CDH8: variants seen among roughly 807,000 people sequenced by gnomAD.
The protein encoded by CDH8 is cadherin 8.
CDH8 carries 17 observed loss-of-function variants against 68.1 expected under a neutral mutation model. That is an observed-to-expected ratio of 0.25 (90% CI 0.17 to 0.37). The LOEUF (loss-of-function observed/expected upper bound fraction) is 0.37, where lower values mean the gene tolerates loss of function less well. Among genes scored for constraint, CDH8 ranks in the 10% least tolerant of loss-of-function variants. The pLI is 1.00. For synonymous variants in CDH8, 372 were observed against 365.1 expected (o/e 1.02, Z -0.21); for missense variants, 763 against 999.3 (o/e 0.76, Z 3.19).
At chr16:61,922,840 A>G (rs1964392923) in intron 2 of CDH8, among the ~76,000 whole-genome samples, 1 of 152,224 alleles carries the variant, frequency 6.6e-6, no homozygotes, top group Admixed American at 6.5e-5. Flanking sequence ...ATACAAATTT[A>G]TGCAATTTTG....
chr16:61,654,508 A>G (rs1483482965), intron 11 of CDH8, among the ~76,000 whole-genome samples: 2 of 152,110 alleles, frequency 1.3e-5, no homozygotes, highest in East Asian at 3.9e-4. Flanking sequence ...AAAAAAAAGG[A>G]GTAAACTAGG....
chr16:61,880,351 G>T (rs953835587), intron 3 of CDH8, among the ~76,000 whole-genome samples: 2 of 152,160 alleles, frequency 1.3e-5, no homozygotes, highest in South Asian at 2.1e-4. Flanking sequence ...CTTCACACTC[G>T]AAAGACAGAA....
chr16:61,985,091 CT>C (rs937331035), intron 2 of CDH8, among the ~76,000 whole-genome samples: 4 of 150,374 alleles, frequency 2.7e-5, no homozygotes, highest in Admixed American at 1.3e-4. Context: ...GCACCCATAA[CT>C]TTTTTTTCCT....
chr16:61,706,981 G>A (rs1295629387), intron 10 of CDH8, among the ~76,000 whole-genome samples: 2 of 152,070 alleles, frequency 1.3e-5, no homozygotes, highest in Admixed American at 1.3e-4. Flanking sequence ...TTACTGTAAT[G>A]ATGCTTATGT....
intron 2 of CDH8, among the ~76,000 whole-genome samples, chr16:62,002,787 C>T (rs888884360): frequency 4.6e-5 from 7 of 152,314 alleles, no homozygotes; most frequent in South Asian, 4.1e-4. Context: ...GGTGCGGTGG[C>T]TCACGCCTGT....
intron 2 of CDH8, among the ~76,000 whole-genome samples, chr16:61,915,156 T>C (rs1291054864): frequency 6.6e-6 from 1 of 152,198 alleles, no homozygotes; most frequent in Non-Finnish European, 1.5e-5. Context: ...CGATGTTTTC[T>C]AGCTCAAATA....
chr16:61,782,645 C>A (rs902855716), intron 8 of CDH8, among the ~76,000 whole-genome samples: 10 of 151,906 alleles, frequency 6.6e-5, no homozygotes, highest in Non-Finnish European at 1.2e-4. Flanking sequence ...AGGGCACAGA[C>A]AAACAAAAAG....
At chr16:61,780,278 C>G (rs1400032846) in intron 8 of CDH8, among the ~76,000 whole-genome samples, 2 of 152,188 alleles carry the variant, frequency 1.3e-5, no homozygotes, top group Non-Finnish European at 1.5e-5. Flanking sequence ...AGCCTAATCT[C>G]TTGTTAGCAC....
chr16:62,004,798 G>T (rs1965946709), intron 2 of CDH8, among the ~76,000 whole-genome samples: 1 of 152,200 alleles, frequency 6.6e-6, no homozygotes, highest in South Asian at 2.1e-4. Context: ...CAGTCAATCA[G>T]TCTTAATGCT....
At chr16:61,683,501 T>C (rs1018406622) in intron 10 of CDH8, among the ~76,000 whole-genome samples, 2 of 152,146 alleles carry the variant, frequency 1.3e-5, no homozygotes, top group Admixed American at 6.6e-5. Flanking sequence ...TCTGTATCTT[T>C]GGCTTGCTCT....
At chr16:61,995,230 C>T (rs1965789103) in intron 2 of CDH8, among the ~76,000 whole-genome samples, 1 of 151,980 alleles carries the variant, frequency 6.6e-6, no homozygotes, top group South Asian at 2.1e-4. Flanking sequence ...CTGGACTGAC[C>T]CAAAGCTATA....
chr16:61,923,790 T>A lies in CDH8; in HGVS notation c.253-22317A>T, dbSNP rs576419789. Reference sequence around the variant, plus strand: ...TATATAAATATATGTGATGTATATATGTGATAAATATATAATATTTAAATA... The same window carrying A: ...TATATAAATATATGTGATGTATATAAGTGATAAATATATAATATTTAAATA... On this transcript the variant is annotated intron_variant, in intron 2 of 11. Coordinates refer to ENST00000577390, the MANE Select transcript of CDH8 (RefSeq NM_001796.5). Among the ~76,000 whole-genome samples the A allele has an allele frequency of 4.0e-3, 592 of 147,566 alleles. 4 individuals are homozygous for A. Among genetic ancestry groups the A allele is most frequent in the Middle Eastern group, 0.018 (5 of 280 alleles).
rs1057085081 is a variant in CDH8 at position 61,649,619 on chromosome 16, T to G, written c.*3989A>C. The G allele has an allele frequency of 6.6e-6, 1 of 151,984 alleles. No homozygotes were observed. The highest frequency in any genetic ancestry group is 2.4e-5 in the African/African-American group (1 of 41,404). The allele number at this position is 151,984 out of a possible 1,614,324, so 9.4% of individuals were successfully genotyped here. On this transcript the variant is annotated 3_prime_UTR_variant, in exon 12 of 12. Coordinates refer to ENST00000577390, the MANE Select transcript of CDH8 (RefSeq NM_001796.5). ...CCAGTGATGGGATTTTTTTGAAATC[T>G]TATTACTGGTTACACTGCCCTGATC...
intron 2 of CDH8, among the ~76,000 whole-genome samples, chr16:62,014,710 G>A (rs765387269): frequency 6.6e-6 from 1 of 152,146 alleles, no homozygotes; most frequent in Non-Finnish European, 1.5e-5. Context: ...AATTTAAAGA[G>A]AGAAAATGAG....
intron 2 of CDH8, among the ~76,000 whole-genome samples, chr16:61,978,386 C>T (rs1049364829): frequency 6.6e-6 from 1 of 152,142 alleles, no homozygotes; most frequent in Non-Finnish European, 1.5e-5. Flanking sequence ...GCCACCATTG[C>T]TGTTGCTGAT....
intron 10 of CDH8, among the ~76,000 whole-genome samples, chr16:61,672,629 T>C (rs1222640348): frequency 1.3e-5 from 2 of 152,086 alleles, no homozygotes; most frequent in African/African-American, 2.4e-5. Context: ...ATCTCAGCTT[T>C]GAAACAAAGC....
At chr16:62,022,852 A>G (rs1376646026) in intron 1 of CDH8, among the ~76,000 whole-genome samples, 3 of 152,208 alleles carry the variant, frequency 2.0e-5, no homozygotes, top group Non-Finnish European at 4.4e-5. Context: ...CAAGATGGCC[A>G]GTAGAATCAC....
chr16:61,834,251 G>A (rs1268627975), intron 4 of CDH8, among the ~76,000 whole-genome samples: 1 of 151,816 alleles, frequency 6.6e-6, no homozygotes, highest in Non-Finnish European at 1.5e-5. Context: ...CAGTCACAGA[G>A]CCACTAAGTG....
intron 10 of CDH8, among the ~76,000 whole-genome samples, chr16:61,669,714 G>A (rs1321405905): frequency 6.6e-6 from 1 of 151,884 alleles, no homozygotes; most frequent in African/African-American, 2.4e-5. Flanking sequence ...TTTGTATCTC[G>A]ATTTAAATTT....
Sources: allele counts gnomAD v4.1 joint callset (sites outside exome capture counted in the v4.1 genomes callset), GRCh38; gene constraint gnomAD v4.1.1; transcripts MANE v1.5; gene names NCBI Gene and HGNC (gene_info 2026-07-23, HGNC 2026-07-21).